The following PSME4 variants were observed in gnomAD, a reference collection of about 807,000 sequenced individuals.
PSME4 encodes the protein proteasome activator complex subunit 4.
PSME4 carries 89 observed loss-of-function variants against 253.9 expected under a neutral mutation model. That is an observed-to-expected ratio of 0.35 (90% CI 0.30 to 0.42). The LOEUF (loss-of-function observed/expected upper bound fraction) is 0.42, where lower values mean the gene tolerates loss of function less well. Ranked by LOEUF, PSME4 falls within the 10% of genes least tolerant of loss-of-function variation. PSME4 has a pLI of 1.00. For missense variants in PSME4, 2,014 were observed against 2,195.2 expected, an observed-to-expected ratio of 0.92 and a Z score of 1.65; for synonymous variants, 851 against 759.2, an observed-to-expected ratio of 1.12 and a Z score of -1.99.
chr2:53,944,458 C>T (rs535963468), intron 3 of PSME4, among the ~76,000 whole-genome samples: 6 of 151,884 alleles, frequency 4.0e-5, no homozygotes, highest in Non-Finnish European at 8.8e-5. Context: ...CCATGCCCAG[C>T]CGAATTTTGT....
intron 38 of PSME4, 128 bp downstream of exon 38, chr2:53,888,593 C>T (rs765074225): frequency 1.7e-6 from 1 of 600,726 alleles, no homozygotes; most frequent in Non-Finnish European, 2.8e-6. Context: ...AACCAGATCA[C>T]ATCACCTTCC....
chr2:53,943,333 C>G (rs698858), intron 3 of PSME4, among the ~76,000 whole-genome samples: 82,873 of 152,040 alleles, frequency 0.55, 23,017 homozygotes, highest in East Asian at 0.72. Flanking sequence ...TACAGTATTT[C>G]TTTTTCTTAA....
At chr2:53,908,688 AT>A in intron 22 of PSME4, 95 bp downstream of exon 22, 4 of 1,447,404 alleles carry the variant, frequency 2.8e-6, no homozygotes, top group Non-Finnish European at 2.8e-6. Flanking sequence ...ACCATTTAGA[AT>A]AAAAAACATT....
At chr2:53,922,472 C>CA (rs1668370615) in intron 17 of PSME4, 45 bp downstream of exon 17, 2 of 1,582,944 alleles carry the variant, frequency 1.3e-6, no homozygotes, top group Admixed American at 1.7e-5. Context: ...AAAAGCAAGT[C>CA]AGTGTTTTCA....
At chr2:53,876,849 C>CT (rs1389713954) in intron 41 of PSME4, among the ~76,000 whole-genome samples, 1 of 150,336 alleles carries the variant, frequency 6.7e-6, no homozygotes, top group Non-Finnish European at 1.5e-5. Flanking sequence ...TTCTGAGTAG[C>CT]TGGGACCACA....
At chr2:53,966,737 C>A (rs1271551228) in intron 1 of PSME4, among the ~76,000 whole-genome samples, 1 of 152,070 alleles carries the variant, frequency 6.6e-6, no homozygotes, top group East Asian at 1.9e-4. Context: ...AAGATGGAGT[C>A]TCGCTCTTTT....
At chr2:53,867,733 A>C (rs574805034) in intron 44 of PSME4, among the ~76,000 whole-genome samples, 1 of 151,682 alleles carries the variant, frequency 6.6e-6, no homozygotes, top group Admixed American at 6.6e-5. Flanking sequence ...ATGACAGCAT[A>C]ATTGTACCTA....
chr2:53,919,354 A>T, intron 19 of PSME4, 108 bp from the exon 20 acceptor site: 1 of 1,348,858 alleles, frequency 7.4e-7, no homozygotes, highest in Admixed American at 3.5e-5. Context: ...GATTAAGGTA[A>T]AGAAATAGCA....
intron 27 of PSME4, among the ~76,000 whole-genome samples, chr2:53,902,643 C>T (rs1324920933): frequency 6.6e-6 from 1 of 152,164 alleles, no homozygotes; most frequent in Non-Finnish European, 1.5e-5. Flanking sequence ...ATGAGTCAAA[C>T]CTACAACACT....
chr2:53,962,282 G>A (rs866856400), intron 1 of PSME4, among the ~76,000 whole-genome samples: 1 of 151,836 alleles, frequency 6.6e-6, no homozygotes, highest in African/African-American at 2.4e-5. Context: ...CTTTTTACAG[G>A]GGCGAAAGGG....
intron 31 of PSME4, 26 bp from the exon 32 acceptor site, chr2:53,896,911 C>T: frequency 6.4e-7 from 1 of 1,554,750 alleles, no homozygotes; most frequent in Non-Finnish European, 8.9e-7. Flanking sequence ...GGTACACATT[C>T]ATAAAAAAAA....
chr2:53,948,048 A>T (rs1389983935), intron 3 of PSME4, among the ~76,000 whole-genome samples: 1 of 152,212 alleles, frequency 6.6e-6, no homozygotes, highest in African/African-American at 2.4e-5. Flanking sequence ...AAACGTGCTA[A>T]AACTGAGAAA....
chr2:53,906,952 G>T, intron 24 of PSME4, 84 bp from the exon 25 acceptor site: 1 of 1,204,648 alleles, frequency 8.3e-7, no homozygotes, highest in South Asian at 1.3e-5. Context: ...CTTAATAAGT[G>T]GTCAAAAAGG....
intron 1 of PSME4, among the ~76,000 whole-genome samples, chr2:53,951,142 G>T (rs1669969424): frequency 6.6e-6 from 1 of 152,058 alleles, no homozygotes; most frequent in Non-Finnish European, 1.5e-5. Context: ...GAGTGCAGTG[G>T]CCTGATCTCA....
chr2:53,888,683 T>C (rs756786204), intron 38 of PSME4, 38 bp downstream of exon 38: 1 of 1,416,550 alleles, frequency 7.1e-7, no homozygotes, highest in Non-Finnish European at 9.9e-7. Flanking sequence ...ACACAAAACC[T>C]TTCGTGTTAA....
At chr2:53,867,502 GAAA>G (rs35076319) in intron 44 of PSME4, among the ~76,000 whole-genome samples, 2 of 100,098 alleles carry the variant, frequency 2.0e-5, no homozygotes, top group African/African-American at 4.0e-5. Context: ...CCGTCTCAAG[GAAA>G]AAAAAAAAAA....
intron 4 of PSME4, 128 bp from the exon 5 acceptor site, chr2:53,937,668 A>G: frequency 2.4e-6 from 2 of 840,778 alleles, no homozygotes; most frequent in South Asian, 3.5e-5. Flanking sequence ...CACAGTCTAC[A>G]AATGTCCAAA....
In PSME4 at chr2:53,932,011, A is replaced by C. The variant is rs778427748; in HGVS notation, c.1140T>G (p.Thr380=). 1.2e-6 allele frequency: 2 copies of C among 1,613,658 alleles called. No individual in the cohort carries two copies. Among genetic ancestry groups the C allele is most frequent in the East Asian group, 2.2e-5 (1 of 44,880 alleles). Reference sequence around the variant, plus strand: ...TAAGCTTGTGGCTATCAGGCACAGGAGTTAACCAAGAGGGCTTCTTGTATC... The same window carrying C: ...TAAGCTTGTGGCTATCAGGCACAGGCGTTAACCAAGAGGGCTTCTTGTATC... ...RERYKKPSWL[T]PVPDSHKLTD... Residue 380 remains threonine (T), a synonymous_variant, in exon 10 of 47, where the codon ACT becomes ACG. Transcript: ENST00000404125.
Position 53,901,502 on chromosome 2 carries a change from C to A in PSME4, c.3133G>T (p.Asp1045Tyr). ...CACGTCTGTACAATACAGTCCCAAT[C>A]ATGAAGGTTTGCCAAGCACACACCA... ...HSGVCLANLH[D>Y]WDCIVQTWPA... is the part of the protein sequence containing the mutation. Residue 1045 changes from aspartate (D) to tyrosine (Y), a missense_variant, in exon 28 of 47, where the codon GAT becomes TAT. Around this residue, in one of 4 missense-constraint regions of PSME4, gnomAD observed 989 missense variants for 1,021.1 expected, o/e 0.97. Coordinates refer to ENST00000404125, the MANE Select transcript of PSME4 (RefSeq NM_014614.3). The A allele has an allele frequency of 7.4e-6, 12 of 1,613,932 alleles. No individual in the cohort carries two copies. Among genetic ancestry groups the A allele is most frequent in the African/African-American group, 1.3e-5 (1 of 74,946 alleles).
Sources: gnomAD v4.1 joint callset for allele counts (sites outside exome capture counted in the v4.1 genomes callset) on GRCh38, gnomAD v4.1.1 for gene constraint, gnomAD v4.1.1 regional missense constraint, MANE v1.5 for transcripts, NCBI Gene and HGNC (gene_info 2026-07-23, HGNC 2026-07-21) for gene names.